ATP9A: variants seen among roughly 807,000 people sequenced by gnomAD.
The protein encoded by ATP9A is ATPase phospholipid transporting 9A.
ATP9A carries 52 observed loss-of-function variants against 144.1 expected under a neutral mutation model. The observed-to-expected ratio is 0.36, with a 90% CI of 0.29 to 0.45. The LOEUF is 0.45. ATP9A is among the 20% of genes least tolerant of loss of function. The pLI is 1.00. For missense variants in ATP9A, 947 were observed against 1,392.7 expected (o/e 0.68, Z 5.09); for synonymous variants, 582 against 557.4 (o/e 1.04, Z -0.62).
chr20:51,758,535 C>T (rs2122915842), intron 1 of ATP9A, among the ~76,000 whole-genome samples: 1 of 152,298 alleles, frequency 6.6e-6, no homozygotes, highest in Non-Finnish European at 1.5e-5. Context: ...CAACTTATTG[C>T]ATGCAAGACA....
intron 3 of ATP9A, among the ~76,000 whole-genome samples, chr20:51,714,628 A>G (rs893967177): frequency 1.3e-5 from 2 of 152,100 alleles, no homozygotes; most frequent in Non-Finnish European, 2.9e-5. Context: ...TCGGCCTCCC[A>G]AAGTGCTGGG....
At chr20:51,766,294 T>C (rs527315235) in intron 1 of ATP9A, among the ~76,000 whole-genome samples, 1 of 152,348 alleles carries the variant, frequency 6.6e-6, no homozygotes, top group East Asian at 1.9e-4. Flanking sequence ...TAAGTTTCCC[T>C]GGTGATTGCA....
chr20:51,645,959 G>T (rs1373226539), intron 14 of ATP9A, among the ~76,000 whole-genome samples: 2 of 152,228 alleles, frequency 1.3e-5, no homozygotes, highest in African/African-American at 4.8e-5. Context: ...CTGCAGGTCA[G>T]GCCAGCAGCA....
intron 1 of ATP9A, among the ~76,000 whole-genome samples, chr20:51,731,575 T>C (rs113128452): frequency 0.068 from 10,253 of 151,206 alleles, 788 homozygotes; most frequent in African/African-American, 0.19. Flanking sequence ...AAAAATTAGC[T>C]GGGTGTGGTG....
At chr20:51,668,621 A>C (rs917637773) in intron 13 of ATP9A, among the ~76,000 whole-genome samples, 12 of 152,146 alleles carry the variant, frequency 7.9e-5, no homozygotes, top group African/African-American at 2.9e-4. Flanking sequence ...TGTGCGGCTC[A>C]TCCTCCCTGT....
rs1415001057 is a variant in ATP9A, at chr20:51,674,256, C to T, written c.934G>A (p.Val312Met). 4 of 1,613,898 alleles carry T rather than the reference C, an allele frequency of 2.5e-6. No individual in the cohort carries two copies. The highest frequency in any genetic ancestry group is 3.4e-6 in the Non-Finnish European group (4 of 1,179,988). ...CLTKILFGAL[V>M]VVSLVMVALQ... The stretch of plus-strand genomic sequence containing the variant: ...GCAACCATGACCAGCGAGACCACCA[C>T]CAGGGCACCAAAGAGGATCTTGGTG... Residue 312 changes from valine (V) to methionine (M), a missense_variant, in exon 11 of 28, where the codon GTG becomes ATG. By Grantham distance (21) the Val-to-Met change is conservative (BLOSUM62 1). Transcript: ENST00000338821.
chr20:51,684,478 C>T (rs1432659306), intron 9 of ATP9A, among the ~76,000 whole-genome samples: 5 of 151,132 alleles, frequency 3.3e-5, no homozygotes, highest in Non-Finnish European at 5.9e-5. Context: ...GGGTGGATCA[C>T]GAGGTCAGGC....
chr20:51,730,864 C>T (rs1430323488), intron 1 of ATP9A, among the ~76,000 whole-genome samples: 1 of 152,146 alleles, frequency 6.6e-6, no homozygotes, highest in African/African-American at 2.4e-5. Flanking sequence ...TGGCAAAAGA[C>T]TGTGTTCCAA....
At chr20:51,664,703 T>C (rs972049309) in intron 13 of ATP9A, among the ~76,000 whole-genome samples, 4 of 152,106 alleles carry the variant, frequency 2.6e-5, no homozygotes, top group East Asian at 1.9e-4. Context: ...CTGAGAATTA[T>C]AGATTTAAAC....
intron 11 of ATP9A, among the ~76,000 whole-genome samples, chr20:51,673,252 T>G (rs2077463627): frequency 6.6e-6 from 1 of 152,074 alleles, no homozygotes; most frequent in Non-Finnish European, 1.5e-5. Flanking sequence ...CAGGAGCCTA[T>G]AATTCCAGCT....
intron 1 of ATP9A, among the ~76,000 whole-genome samples, chr20:51,753,926 G>A (rs1214174450): frequency 4.6e-5 from 7 of 151,346 alleles, no homozygotes; most frequent in African/African-American, 1.7e-4. Context: ...ACCCACCTCA[G>A]CCTCCCAAAG....
At chr20:51,720,412 T>C (rs143666814) in intron 3 of ATP9A, among the ~76,000 whole-genome samples, 26 of 152,316 alleles carry the variant, frequency 1.7e-4, no homozygotes, top group African/African-American at 6.0e-4. Context: ...TTTGTAACTC[T>C]TGGGTCTGGC....
At chr20:51,639,760 A>G (rs1390473983) in intron 14 of ATP9A, among the ~76,000 whole-genome samples, 1 of 152,198 alleles carries the variant, frequency 6.6e-6, no homozygotes, top group African/African-American at 2.4e-5. Flanking sequence ...GCTGCACACC[A>G]GAGGCATGGC....
chr20:51,662,660 CTG>C (rs2077415661), intron 13 of ATP9A, among the ~76,000 whole-genome samples: 1 of 151,694 alleles, frequency 6.6e-6, no homozygotes, highest in Non-Finnish European at 1.5e-5. Context: ...CTAGTCTGGA[CTG>C]TGTTATGAAA....
rs1199558800 is a variant in ATP9A, at chr20:51,696,235, T to A, written c.496-91A>T. The A allele has an allele frequency of 3.9e-5, 46 of 1,184,336 alleles. No homozygotes were observed. In the East Asian group the frequency reaches 1.1e-3, roughly 28 times the overall value. The allele number at this position is 1,184,336 out of a possible 1,614,324, so 73.4% of individuals were successfully genotyped here. A position where few individuals can be genotyped will look rare whatever the true frequency, so the allele number is the denominator to read the frequency against. Reference sequence around the variant, plus strand: ...GGCTTCCGCCCCCACCCCCAACCCCTCGGTGGGTTGGGGCAGGGGGGACTG... The same window carrying A: ...GGCTTCCGCCCCCACCCCCAACCCCACGGTGGGTTGGGGCAGGGGGGACTG... On this transcript the variant is annotated intron_variant, in intron 5 of 27. Transcript: ENST00000338821.
At chr20:51,702,197 G>A (rs577922117) in intron 4 of ATP9A, among the ~76,000 whole-genome samples, 1 of 151,688 alleles carries the variant, frequency 6.6e-6, no homozygotes, top group South Asian at 2.1e-4. Context: ...TACTTAGGAG[G>A]CTGAGGCAGG....
chr20:51,671,346 C>G, intron 11 of ATP9A, 89 bp from the exon 12 acceptor site: 2 of 1,454,128 alleles, frequency 1.4e-6, no homozygotes. Context: ...AACACATGTG[C>G]CATCGCATCC....
intron 14 of ATP9A, among the ~76,000 whole-genome samples, chr20:51,646,330 T>C (rs1201086611): frequency 6.6e-6 from 1 of 152,164 alleles, no homozygotes; most frequent in Non-Finnish European, 1.5e-5. Context: ...GCAGGATACA[T>C]ACCAATCATC....
At chr20:51,758,546 G>C (rs2122915867) in intron 1 of ATP9A, among the ~76,000 whole-genome samples, 1 of 152,328 alleles carries the variant, frequency 6.6e-6, no homozygotes, top group East Asian at 1.9e-4. Context: ...ATGCAAGACA[G>C]AGGTCAAGGT....
Sources: gnomAD v4.1 joint callset for allele counts (sites outside exome capture counted in the v4.1 genomes callset) on GRCh38, gnomAD v4.1.1 for gene constraint, MANE v1.5 for transcripts, NCBI Gene and HGNC (gene_info 2026-07-23, HGNC 2026-07-21) for gene names.